The following IFT172 variants were observed in gnomAD, a reference collection of about 807,000 sequenced individuals.
IFT172 encodes intraflagellar transport protein 172 homolog.
IFT172 carries 164 observed loss-of-function variants against 248.9 expected under a neutral mutation model. The observed-to-expected ratio is 0.66, with a 90% CI of 0.58 to 0.75. IFT172 has a LOEUF of 0.75. Ranked by LOEUF, IFT172 falls within the 30% of genes least tolerant of loss-of-function variation. The pLI, the probability that IFT172 is intolerant of heterozygous loss-of-function variation, is 0.00. For missense variants in IFT172, 1,950 were observed against 2,192.4 expected, an observed-to-expected ratio of 0.89 and a Z score of 2.21; for synonymous variants, 729 against 791.6, an observed-to-expected ratio of 0.92 and a Z score of 1.33.
At chr2:27,444,886 T>C in intron 47 of IFT172, 128 bp downstream of exon 47, 1 of 962,190 alleles carries the variant, frequency 1.0e-6, no homozygotes, top group East Asian at 2.5e-5. Context: ...TGACCTCAGG[T>C]GATCCGCCCA....
rs553136646 is a variant in IFT172, at chr2:27,484,862, G to T, written c.296+156C>A. Among the ~76,000 whole-genome samples, 6 of 152,306 alleles carry T rather than the reference G, an allele frequency of 3.9e-5. No individual in the cohort carries two copies. The South Asian group carries it at 1.0e-3, about 26-fold the overall frequency. ...TGGGATTGAAGAACACGTGGGACAG[G>T]TGAAGGCAGAAAAGCAAAAACAGAC... On this transcript the variant is annotated intron_variant, in intron 3 of 47. Coordinates refer to ENST00000260570, the MANE Select transcript of IFT172 (RefSeq NM_015662.3).
At position 27,461,502 on chromosome 2, in the gene IFT172, C is replaced by A; in HGVS notation, c.2209G>T (p.Glu737Ter). The change falls in exon 22 of 48, where the codon GAG (glutamate) becomes TAG (stop). Residue 737 changes from glutamate (E) to a stop codon, truncating the protein, a stop_gained. Transcript: ENST00000260570. LOFTEE classifies it high-confidence loss of function. ...VAEAKGHPAL[E>*]KLRRSYYQWL... ...TGGTAGTAACTACGACGTAGCTTCT[C>A]CAGGGCTGGGTGCCCCTGGACATGC... The A allele has an allele frequency of 6.2e-7, 1 of 1,614,052 alleles. No individual in the cohort carries two copies. Among genetic ancestry groups the A allele is most frequent in the Non-Finnish European group, 8.5e-7 (1 of 1,179,954 alleles).
chr2:27,449,927 T>A, intron 36 of IFT172, 71 bp downstream of exon 36: 1 of 1,439,488 alleles, frequency 6.9e-7, no homozygotes, highest in Non-Finnish European at 9.7e-7. Context: ...CACACCTTCC[T>A]GGGTGTAGAT....
chr2:27,457,361 G>A (rs1666241869), intron 29 of IFT172, among the ~76,000 whole-genome samples: 1 of 152,176 alleles, frequency 6.6e-6, no homozygotes, highest in Admixed American at 6.5e-5. Flanking sequence ...CTTGAGCCCA[G>A]GAGTTCAAGA....
chr2:27,476,977 C>A, intron 13 of IFT172: 1 of 591,054 alleles, frequency 1.7e-6, no homozygotes, highest in Non-Finnish European at 3.0e-6. Flanking sequence ...GGGTGTGCCA[C>A]CATGCCTGGA....
In IFT172 at chr2:27,471,089, G is replaced by C; in HGVS notation, c.1531C>G (p.Leu511Val). The stretch of plus-strand genomic sequence containing the variant: ...TTAGAGCAGCTTTCAATATCATACA[G>C]ATGCAACTGAAGAAAGAAAAGGCAG... ...LFRDRKLRLH[L>V]YDIESCSKTM... Residue 511 changes from leucine (L) to valine (V), a missense_variant, in exon 16 of 48, where the codon CTG (leucine) becomes GTG (valine). This residue lies in a region of IFT172 where 1,166 missense variants were observed against 1,254.1 expected (regional missense o/e 0.93). Transcript: ENST00000260570. 1 of 1,606,070 alleles carries C rather than the reference G, an allele frequency of 6.2e-7. No homozygotes were observed. Among genetic ancestry groups the C allele is most frequent in the African/African-American group, 1.3e-5 (1 of 74,598 alleles).
intron 5 of IFT172, 93 bp from the exon 6 acceptor site, chr2:27,483,752 G>A (rs1387184718): frequency 6.8e-7 from 1 of 1,464,530 alleles, no homozygotes; most frequent in East Asian, 2.3e-5. Flanking sequence ...CACAAAACTG[G>A]TCCCTATGCA....
At position 27,485,064 on chromosome 2, in the gene IFT172, C is replaced by T; in HGVS notation, c.250G>A (p.Gly84Arg). The T allele has an allele frequency of 6.2e-7, 1 of 1,609,880 alleles. No homozygotes were observed. Reference protein sequence around the residue: ...FSPDSTKIAIGQTDNIIYVYK... With the variant: ...FSPDSTKIAIRQTDNIIYVYK... The stretch of plus-strand genomic sequence containing the variant: ...ACATAGATGATGTTGTCAGTCTGTC[C>T]TATGGCAATTTTAGTGGAATCAGGA... Residue 84 changes from glycine to arginine, a missense_variant, in exon 3 of 48, where the codon GGA (glycine) becomes AGA (arginine). Gly to Arg is a moderately radical substitution (Grantham distance 125, BLOSUM62 -2). Transcript: ENST00000260570.
chr2:27,471,149 C>G, intron 15 of IFT172, 54 bp from the exon 16 acceptor site: 2 of 1,562,730 alleles, frequency 1.3e-6, no homozygotes, highest in Non-Finnish European at 1.7e-6. Context: ...GGGTTGTCTC[C>G]TGCTTTTGAC....
At chr2:27,483,963 G>T in intron 4 of IFT172, 26 bp from the exon 5 acceptor site, 1 of 1,605,844 alleles carries the variant, frequency 6.2e-7, no homozygotes, top group East Asian at 2.2e-5. Context: ...CAATGAAAAG[G>T]ATAACCCCAT....
At chr2:27,487,497 C>T (rs1250882038) in intron 1 of IFT172, among the ~76,000 whole-genome samples, 1 of 152,254 alleles carries the variant, frequency 6.6e-6, no homozygotes, top group Admixed American at 6.5e-5. Flanking sequence ...TTATTATCCC[C>T]CTTTTACAGA....
rs999616516 is a variant in IFT172, at chr2:27,453,982, C to G, written c.3711G>C (p.Lys1237Asn). The G allele has an allele frequency of 6.2e-7, 1 of 1,610,208 alleles. No homozygotes were observed. Among genetic ancestry groups the G allele is most frequent in the Middle Eastern group, 1.8e-4 (1 of 5,516 alleles). Reference sequence around the variant, plus strand: ...CATGGCCCTGCATCCAGTGCCCCACCTTATAATAATTGAGGGCCAGGCCTG... The same window carrying G: ...CATGGCCCTGCATCCAGTGCCCCACGTTATAATAATTGAGGGCCAGGCCTG... ...QRPGLALNYY[K>N]EAGLWSDALR... Residue 1237 changes from lysine to asparagine, a missense_variant and splice_region_variant, in exon 33 of 48, where the codon AAG (lysine) becomes AAC (asparagine). By Grantham distance (94) the Lys-to-Asn change is moderately conservative (BLOSUM62 0). Around this residue, in one of 3 missense-constraint regions of IFT172, gnomAD observed 620 missense variants for 699.0 expected, o/e 0.89. Transcript: ENST00000260570.
intron 38 of IFT172, 46 bp from the exon 39 acceptor site, chr2:27,449,426 AG>A: frequency 6.2e-7 from 1 of 1,614,030 alleles, no homozygotes; most frequent in Admixed American, 1.7e-5. Context: ...AGATGACATG[AG>A]GGAAAGAAGA....
intron 11 of IFT172, 110 bp from the exon 12 acceptor site, chr2:27,477,722 G>A: frequency 1.2e-6 from 1 of 867,760 alleles, no homozygotes; most frequent in Non-Finnish European, 1.9e-6. Context: ...TGTAGGCTTT[G>A]GCACTACACA....
At chr2:27,480,379 A>G (rs1243725740) in intron 8 of IFT172, among the ~76,000 whole-genome samples, 1 of 152,204 alleles carries the variant, frequency 6.6e-6, no homozygotes, top group African/African-American at 2.4e-5. Context: ...GAGAAAACAA[A>G]AAGACCAGGG....
intron 47 of IFT172, 127 bp from the exon 48 acceptor site, chr2:27,444,648 G>A: frequency 3.1e-6 from 2 of 653,988 alleles, no homozygotes; most frequent in Non-Finnish European, 4.9e-6. Context: ...GTGTGTATGT[G>A]GGTTTTTTGT....
Position 27,447,564 on chromosome 2 carries a change from A to T in IFT172, c.4610T>A (p.Ile1537Asn). 6.2e-7 allele frequency: 1 copy of T among 1,614,160 alleles called. No individual in the cohort carries two copies. Among genetic ancestry groups the T allele is most frequent in the South Asian group, 1.1e-5 (1 of 91,084 alleles). The change falls in exon 42 of 48, where the codon ATC (isoleucine) becomes AAC (asparagine). Residue 1537 changes from isoleucine to asparagine, a missense_variant. Transcript: ENST00000260570. ...AGAGCGCGTGGCATAGTAATGAGCG[A>T]TCAGCAGCATCGTCTTGAACTCCTC... ...AHEEFKTMLL[I>N]AHYYATRSAA... is the part of the protein sequence containing the mutation.
chr2:27,477,853 G>T, intron 11 of IFT172, 142 bp downstream of exon 11: 1 of 1,024,958 alleles, frequency 9.8e-7, no homozygotes, highest in Non-Finnish European at 1.5e-6. Context: ...AAAACTCCTG[G>T]GTCTCCTTCC....
At chr2:27,476,936 A>G (rs1667996869) in intron 13 of IFT172, 2 of 588,282 alleles carry the variant, frequency 3.4e-6, no homozygotes, top group South Asian at 4.3e-5. Flanking sequence ...TGATTCTCCT[A>G]CCTCACCTTC....
Sources: gnomAD v4.1 joint callset for allele counts (sites outside exome capture counted in the v4.1 genomes callset) on GRCh38, gnomAD v4.1.1 for gene constraint, gnomAD v4.1.1 regional missense constraint, MANE v1.5 for transcripts, NCBI Gene and HGNC (gene_info 2026-07-23, HGNC 2026-07-21) for gene names.